Variants in NDUFS4 observed in about 807,000 individuals in gnomAD.
NDUFS4 encodes the protein NADH:ubiquinone oxidoreductase subunit S4.
NDUFS4 carries 28 observed loss-of-function variants against 24.3 expected under a neutral mutation model. The ratio of observed to expected loss-of-function variants is 1.15; its 90% CI spans 0.85 to 1.58. NDUFS4 has a LOEUF of 1.58. Ranked by LOEUF, NDUFS4 falls within the 40% of genes most tolerant of loss-of-function variation. NDUFS4 has a pLI of 0.00. For missense variants in NDUFS4, 223 were observed against 207.9 expected (o/e 1.07, Z -0.45); for synonymous variants, 93 against 69.7 (o/e 1.34, Z -1.67).
chr5:53,617,803 A>ATCC (rs1750892389), intron 2 of NDUFS4, among the ~76,000 whole-genome samples: 1 of 152,242 alleles, frequency 6.6e-6, no homozygotes, highest in African/African-American at 2.4e-5. Flanking sequence ...CTAGTGAGAT[A>ATCC]CATGGGATAA....
At chr5:53,645,986 G>A (rs1386631650) in intron 2 of NDUFS4, among the ~76,000 whole-genome samples, 2 of 152,096 alleles carry the variant, frequency 1.3e-5, no homozygotes, top group African/African-American at 4.8e-5. Context: ...TTGGACAAAA[G>A]GGCGTAAATT....
chr5:53,588,015 A>C (rs1229882793), intron 1 of NDUFS4, among the ~76,000 whole-genome samples: 1 of 152,182 alleles, frequency 6.6e-6, no homozygotes, highest in African/African-American at 2.4e-5. Flanking sequence ...CAGAGAGGCC[A>C]ATTATTAATA....
chr5:53,630,966 G>C (rs769026281), intron 2 of NDUFS4, among the ~76,000 whole-genome samples: 15 of 152,220 alleles, frequency 9.9e-5, no homozygotes, highest in Middle Eastern at 3.4e-3. Flanking sequence ...GAGGCATTCT[G>C]GTTTTTGAAT....
intron 4 of NDUFS4, among the ~76,000 whole-genome samples, chr5:53,665,937 T>C (rs894707564): frequency 3.9e-5 from 6 of 152,370 alleles, no homozygotes; most frequent in African/African-American, 1.4e-4. Flanking sequence ...AGCTGTAGAC[T>C]GGAGCTGTTC....
At chr5:53,679,240 GATA>G (rs1250547705) in intron 4 of NDUFS4, among the ~76,000 whole-genome samples, 3 of 151,750 alleles carry the variant, frequency 2.0e-5, no homozygotes, top group African/African-American at 7.3e-5. Context: ...AAAACGGGAA[GATA>G]ATAAATTTTT....
chr5:53,592,328 C>G (rs1749997611), intron 1 of NDUFS4, among the ~76,000 whole-genome samples: 1 of 152,108 alleles, frequency 6.6e-6, no homozygotes, highest in South Asian at 2.1e-4. Context: ...GATATTTTCT[C>G]CTAGCATGTG....
intron 2 of NDUFS4, among the ~76,000 whole-genome samples, chr5:53,629,677 T>C (rs1215372607): frequency 6.6e-6 from 1 of 152,218 alleles, no homozygotes; most frequent in Non-Finnish European, 1.5e-5. Context: ...TTAAAGTCTG[T>C]TTTATCAGAG....
intron 2 of NDUFS4, among the ~76,000 whole-genome samples, chr5:53,631,518 G>A (rs143722331): frequency 2.0e-5 from 3 of 152,330 alleles, no homozygotes; most frequent in African/African-American, 4.8e-5. Context: ...TGTCCCAGGG[G>A]AATCTGGGAT....
intron 2 of NDUFS4, among the ~76,000 whole-genome samples, chr5:53,622,632 A>G (rs2607478): frequency 0.26 from 39,250 of 151,872 alleles, 6,763 homozygotes; most frequent in African/African-American, 0.48. Context: ...GAATACAAAC[A>G]TTCAGTTCAT....
chr5:53,675,285 C>T (rs886737640), intron 4 of NDUFS4, among the ~76,000 whole-genome samples: 1 of 151,380 alleles, frequency 6.6e-6, no homozygotes, highest in African/African-American at 2.4e-5. Flanking sequence ...GCCTCAGCCT[C>T]CCGAGGAGCT....
At chr5:53,621,433 G>T (rs1751029909) in intron 2 of NDUFS4, among the ~76,000 whole-genome samples, 1 of 151,670 alleles carries the variant, frequency 6.6e-6, no homozygotes, top group African/African-American at 2.4e-5. Flanking sequence ...GATATAATTG[G>T]GTTTACATTT....
intron 1 of NDUFS4, among the ~76,000 whole-genome samples, chr5:53,587,075 C>T (rs749921991): frequency 2.0e-5 from 3 of 151,952 alleles, no homozygotes; most frequent in African/African-American, 2.4e-5. Flanking sequence ...CTGCCTGCCT[C>T]GGCGTCTCAA....
At chr5:53,671,404 C>T (rs1651189269) in intron 4 of NDUFS4, among the ~76,000 whole-genome samples, 2 of 152,040 alleles carry the variant, frequency 1.3e-5, no homozygotes, top group African/African-American at 2.4e-5. Flanking sequence ...TCATTTTCTC[C>T]CTGTTCCCAC....
At chr5:53,599,374 C>T (rs1331375908) in intron 1 of NDUFS4, among the ~76,000 whole-genome samples, 1 of 152,142 alleles carries the variant, frequency 6.6e-6, no homozygotes, top group Non-Finnish European at 1.5e-5. Context: ...TACCATTTTA[C>T]ATTCCCATAA....
chr5:53,645,916 A>G (rs769497782), intron 2 of NDUFS4, among the ~76,000 whole-genome samples: 8 of 152,038 alleles, frequency 5.3e-5, no homozygotes, highest in Non-Finnish European at 1.2e-4. Flanking sequence ...AAGTAAGAGC[A>G]TTGTTGACTA....
At chr5:53,635,601 GA>G (rs1751528646) in intron 2 of NDUFS4, among the ~76,000 whole-genome samples, 1 of 152,094 alleles carries the variant, frequency 6.6e-6, no homozygotes, top group Non-Finnish European at 1.5e-5. Context: ...CCAAAAAGTT[GA>G]AATTATTAAA....
At chr5:53,614,009 A>C (rs1750774169) in intron 2 of NDUFS4, among the ~76,000 whole-genome samples, 1 of 151,972 alleles carries the variant, frequency 6.6e-6, no homozygotes, top group Admixed American at 6.6e-5. Flanking sequence ...TTGTCTCATG[A>C]CATGTATCTA....
At chr5:53,623,352 A>G (rs542751080) in intron 2 of NDUFS4, among the ~76,000 whole-genome samples, 6 of 152,100 alleles carry the variant, frequency 3.9e-5, no homozygotes. Flanking sequence ...TTTGATTTGC[A>G]TGTTCTTAAT....
chr5:53,661,319 G>A (rs542504620), intron 4 of NDUFS4, among the ~76,000 whole-genome samples: 4 of 152,164 alleles, frequency 2.6e-5, no homozygotes, highest in East Asian at 1.9e-4. Context: ...GTAGATATGC[G>A]GCATTATTTC....
Sources: allele counts gnomAD v4.1 joint callset (sites outside exome capture counted in the v4.1 genomes callset), GRCh38; gene constraint gnomAD v4.1.1; transcripts MANE v1.5; gene names NCBI Gene and HGNC (gene_info 2026-07-23, HGNC 2026-07-21).